Variants in FBXO44 observed in about 807,000 individuals in gnomAD.
The protein encoded by FBXO44 is F-box protein 44.
In FBXO44, 25 loss-of-function variants were observed where a neutral mutation model predicts 33.5. The ratio of observed to expected loss-of-function variants is 0.75; its 90% CI spans 0.54 to 1.04. The LOEUF is 1.04. FBXO44 is among the 50% of genes least tolerant of loss of function. The pLI is 0.00. For synonymous variants in FBXO44, 147 were observed against 152.8 expected, an observed-to-expected ratio of 0.96 and a Z score of 0.28; for missense variants, 311 against 344.0, an observed-to-expected ratio of 0.90 and a Z score of 0.76.
Position 11,655,896 on chromosome 1 carries a change from G to T in FBXO44, c.61G>T (p.Val21Leu), listed in dbSNP as rs747574915. 2.5e-6 allele frequency: 4 copies of T among 1,613,904 alleles called. No homozygotes were observed. Among genetic ancestry groups the T allele is most frequent in the South Asian group, 1.1e-5 (1 of 91,078 alleles). Residue 21 changes from valine to leucine, a missense_variant, in exon 2 of 6, where the codon GTG (valine) becomes TTG (leucine). By Grantham distance (32) the Val-to-Leu change is conservative. Coordinates refer to ENST00000251547, the MANE Select transcript of FBXO44 (RefSeq NM_033182.7). ...ENILLELFTHVPARQLLLNCR... is the reference protein window; with the variant it reads ...ENILLELFTHLPARQLLLNCR... ...CATCCTGCTGGAGCTGTTCACGCAC[G>T]TGCCCGCCCGCCAGCTGCTGCTGAA...
intron 1 of FBXO44, 47 bp downstream of exon 1, chr1:11,654,999 C>G (rs1435178381): frequency 4.8e-5 from 7 of 146,210 alleles, no homozygotes; most frequent in African/African-American, 1.8e-4. Flanking sequence ...GGGGGCGCGG[C>G]TGGGCGGGGG....
intron 5 of FBXO44, among the ~76,000 whole-genome samples, chr1:11,660,470 A>G (rs1353238776): frequency 6.6e-6 from 1 of 152,154 alleles, no homozygotes; most frequent in Non-Finnish European, 1.5e-5. Context: ...CTTTTACTTA[A>G]TTTTAACCTA....
chr1:11,654,769 A>G (rs1639644632), upstream of FBXO44: 1 of 156,324 alleles, frequency 6.4e-6, no homozygotes, highest in South Asian at 1.9e-4. Flanking sequence ...CACCCCCCAC[A>G]CCAGGTAATT....
chr1:11,658,972 C>G (rs1015436401), intron 5 of FBXO44, 101 bp downstream of exon 5: 2 of 1,441,446 alleles, frequency 1.4e-6, no homozygotes, highest in African/African-American at 2.8e-5. Flanking sequence ...ACCTTCTCAC[C>G]TGTGCTTCCA....
chr1:11,654,448 G>A (rs951425328), upstream of FBXO44: 19 of 1,196,166 alleles, frequency 1.6e-5, no homozygotes, highest in Non-Finnish European at 1.6e-5. Context: ...CCCGGCGACC[G>A]CGCCTCTTAA....
chr1:11,656,858 G>A (rs1639847998), intron 2 of FBXO44, among the ~76,000 whole-genome samples: 1 of 152,232 alleles, frequency 6.6e-6, no homozygotes, highest in Admixed American at 6.5e-5. Context: ...CACAAGGCCA[G>A]GAAGTCAGAG....
At chr1:11,659,643 G>C (rs1640057012) in intron 5 of FBXO44, among the ~76,000 whole-genome samples, 1 of 151,984 alleles carries the variant, frequency 6.6e-6, no homozygotes. Context: ...GTACAGGTGT[G>C]CACCACCACT....
chr1:11,658,399 A>T lies in FBXO44; in HGVS notation c.392+6A>T, dbSNP rs760985022. 2 of 1,613,834 alleles carry T rather than the reference A, an allele frequency of 1.2e-6. No homozygotes were observed. The highest frequency in any genetic ancestry group is 1.7e-6 in the Non-Finnish European group (2 of 1,179,948). On this transcript the variant is annotated splice_donor_region_variant and intron_variant, in intron 3 of 5. Coordinates refer to ENST00000251547, the MANE Select transcript of FBXO44 (RefSeq NM_033182.7). ...TACTTCGTTACTTCATATTAGTAAG[A>T]TCCGGGGACTTGGGGTAGGGGAAAG...
chr1:11,658,750 C>A lies in FBXO44; in HGVS notation c.503C>A (p.Pro168Gln). The change falls in exon 5 of 6, where the codon CCA becomes CAA. Residue 168 changes from proline to glutamine, a missense_variant. Physicochemically the swap from Pro to Gln is moderately conservative, Grantham distance 76. Transcript: ENST00000251547. Reference sequence around the variant, plus strand: ...TCTCCCTGCAGGTTCGCAGCCAGGCCAGATTGCGGGTCCAAGTACCAGCTG... The same window carrying A: ...TCTCCCTGCAGGTTCGCAGCCAGGCAAGATTGCGGGTCCAAGTACCAGCTG... ...IEVKDWFAAR[P>Q]DCGSKYQLCV... 1 of 1,614,012 alleles carries A rather than the reference C, an allele frequency of 6.2e-7. No individual in the cohort carries two copies. Among genetic ancestry groups the A allele is most frequent in the Non-Finnish European group, 8.5e-7 (1 of 1,179,972 alleles).
At chr1:11,655,776 G>T in intron 1 of FBXO44, 30 bp from the exon 2 acceptor site, 1 of 1,593,032 alleles carries the variant, frequency 6.3e-7, no homozygotes, top group South Asian at 1.1e-5. Flanking sequence ...GCAGAGCAGG[G>T]ATGAGGCCTG....
At chr1:11,656,761 C>T (rs372331898) in intron 2 of FBXO44, among the ~76,000 whole-genome samples, 1 of 152,224 alleles carries the variant, frequency 6.6e-6, no homozygotes, top group Admixed American at 6.5e-5. Context: ...CCGCGCCCGG[C>T]CTCTTATTCT....
intron 3 of FBXO44, 46 bp from the exon 4 acceptor site, chr1:11,658,486 GC>G (rs776883092): frequency 1.2e-6 from 2 of 1,609,094 alleles, no homozygotes; most frequent in South Asian, 2.2e-5. Flanking sequence ...GCCCCTCACT[GC>G]CCTAGTGGTG....
At position 11,662,622 on chromosome 1, in the gene FBXO44, C is replaced by T. The variant is rs911555344; in HGVS notation, c.*1349C>T. 6.6e-6 allele frequency: 1 copy of T among 152,268 alleles called. No homozygotes were observed. The highest frequency in any genetic ancestry group is 1.5e-5 in the Non-Finnish European group (1 of 68,094). 9.4% of individuals were successfully genotyped at this position (152,268 alleles called of 1,614,324 possible). The stretch of plus-strand genomic sequence containing the variant: ...GCCTCCTGGTGTTACTCTTTGCCAA[C>T]AGCTTTACGGACATTGGATGAAGCC... On this transcript the variant is annotated 3_prime_UTR_variant, in exon 6 of 6. Transcript: ENST00000251547.
intron 5 of FBXO44, among the ~76,000 whole-genome samples, chr1:11,660,211 G>A (rs1046335267): frequency 2.6e-5 from 4 of 152,110 alleles, no homozygotes; most frequent in African/African-American, 9.7e-5. Flanking sequence ...CACCCAGGTT[G>A]GAGTGCAGTG....
intron 3 of FBXO44, 65 bp downstream of exon 3, chr1:11,658,458 C>A (rs1406819912): frequency 1.2e-6 from 2 of 1,610,900 alleles, no homozygotes; most frequent in Admixed American, 1.7e-5. Flanking sequence ...CTCTCCCACC[C>A]TGGAAGGGGC....
intron 5 of FBXO44, among the ~76,000 whole-genome samples, chr1:11,659,709 TG>T (rs1640064112): frequency 6.6e-6 from 1 of 152,158 alleles, no homozygotes; most frequent in South Asian, 2.1e-4. Context: ...TTGCCCAGGC[TG>T]GTCTCGCACT....
chr1:11,657,450 G>A (rs1228352644), intron 2 of FBXO44, among the ~76,000 whole-genome samples: 2 of 151,340 alleles, frequency 1.3e-5, no homozygotes, highest in Non-Finnish European at 3.0e-5. Context: ...CATCACAGAA[G>A]GCAGCTGGGC....
At position 11,658,389 on chromosome 1, in the gene FBXO44, T is replaced by C. The variant is rs371565038; in HGVS notation, c.388T>C (p.Tyr130His). The C allele has an allele frequency of 5.1e-5, 83 of 1,613,774 alleles. No individual in the cohort carries two copies. The highest frequency in any genetic ancestry group is 6.8e-5 in the Non-Finnish European group (80 of 1,179,956). The change falls in exon 3 of 6, where the codon TAT (tyrosine) becomes CAT (histidine). Residue 130 changes from tyrosine (Y) to histidine (H), a missense_variant. Coordinates refer to ENST00000251547, the MANE Select transcript of FBXO44 (RefSeq NM_033182.7). ...GGTCAAGAAATACTTCGTTACTTCA[T>C]ATTAGTAAGATCCGGGGACTTGGGG... ...DQVKKYFVTS[Y>H]YTCLKSQVVD...
Position 11,661,214 on chromosome 1 carries a change from G to T in FBXO44, c.709G>T (p.Gly237Cys). The change falls in exon 6 of 6, where the codon GGC (glycine) becomes TGC (cysteine). Residue 237 changes from glycine to cysteine, a missense_variant. Transcript: ENST00000251547. The surrounding 1 kb of genome is among the most constrained non-coding windows in gnomAD (Gnocchi z 4.4). ...HGGVDTHYWA[G>C]WYGPRVTNSS... ...CGGCGTGGACACTCATTACTGGGCC[G>T]GCTGGTACGGCCCGAGGGTCACCAA... is the stretch of plus-strand genomic sequence containing the variant. The T allele has an allele frequency of 1.9e-6, 3 of 1,614,102 alleles. No individual in the cohort carries two copies. Among genetic ancestry groups the T allele is most frequent in the Non-Finnish European group, 2.5e-6 (3 of 1,180,010 alleles).
Sources: allele counts gnomAD v4.1 joint callset (sites outside exome capture counted in the v4.1 genomes callset), GRCh38; gene constraint gnomAD v4.1.1; non-coding constraint Gnocchi (gnomAD v3.1); transcripts MANE v1.5; gene names NCBI Gene and HGNC (gene_info 2026-07-23, HGNC 2026-07-21).